The following EXD1 variants were observed in gnomAD, a reference collection of about 807,000 sequenced individuals.
EXD1 encodes piRNA biogenesis protein EXD1.
EXD1 carries 63 observed loss-of-function variants against 49.1 expected under a neutral mutation model. The observed-to-expected ratio is 1.28, with a 90% CI of 1.05 to 1.58. The LOEUF is 1.58. Among genes scored for constraint, EXD1 ranks in the 40% most tolerant of loss-of-function variants. EXD1 has a pLI of 0.00. For synonymous variants in EXD1, 234 were observed against 239.2 expected (o/e 0.98, Z 0.20); for missense variants, 748 against 666.0 (o/e 1.12, Z -1.36).
chr15:41,209,540 T>G lies in EXD1; in HGVS notation c.495A>C (p.Gly165=), dbSNP rs1199754429. Reference sequence around the variant, plus strand: ...GTTTGCCATGGCGACATACATTCGCTCCTTCTGCTGCCACACTCAGGACAT... The same window carrying G: ...GTTTGCCATGGCGACATACATTCGCGCCTTCTGCTGCCACACTCAGGACAT... ...KQNVLSVAAE[G]ANVCRHGKLC... The change falls in exon 7 of 12, where the codon GGA becomes GGC. Residue 165 remains glycine (G), a synonymous_variant. Transcript: ENST00000458580. The G allele has an allele frequency of 6.2e-7, 1 of 1,614,206 alleles. No individual in the cohort carries two copies. The highest frequency in any genetic ancestry group is 1.1e-5 in the South Asian group (1 of 91,084).
At chr15:41,215,270 C>A (rs78884192) in intron 6 of EXD1, among the ~76,000 whole-genome samples, 24,422 of 151,928 alleles carry the variant, frequency 0.16, 3,587 homozygotes, top group African/African-American at 0.39. Context: ...TCCTTGAGGG[C>A]GGGAACTTTG....
intron 7 of EXD1, among the ~76,000 whole-genome samples, chr15:41,201,615 G>A (rs1430196143): frequency 2.0e-5 from 3 of 150,416 alleles, no homozygotes; most frequent in Non-Finnish European, 4.4e-5. Context: ...TCAGCCTCCC[G>A]AGTAGCTGGG....
At chr15:41,220,250 A>G (rs1422131552) in intron 2 of EXD1, among the ~76,000 whole-genome samples, 1 of 152,094 alleles carries the variant, frequency 6.6e-6, no homozygotes, top group East Asian at 1.9e-4. Flanking sequence ...AACTCCAGAA[A>G]AAAAATTTAA....
At chr15:41,218,362 C>T (rs2047033539) in intron 3 of EXD1, among the ~76,000 whole-genome samples, 1 of 151,772 alleles carries the variant, frequency 6.6e-6, no homozygotes, top group African/African-American at 2.4e-5. Context: ...TGGCACACAC[C>T]TGTAATCCCA....
intron 7 of EXD1, among the ~76,000 whole-genome samples, chr15:41,198,891 G>A (rs777123340): frequency 6.6e-6 from 1 of 151,418 alleles, no homozygotes; most frequent in Admixed American, 6.6e-5. Flanking sequence ...ATTTTTAGTA[G>A]GGACTAGGTT....
Position 41,230,659 on chromosome 15 carries a change from T to A in EXD1, c.-234A>T. 8.5e-7 allele frequency: 1 copy of A among 1,174,778 alleles called. No homozygotes were observed. The highest frequency in any genetic ancestry group is 1.2e-6 in the Non-Finnish European group (1 of 824,968). The allele number at this position is 1,174,778 out of a possible 1,614,324, so 72.8% of individuals were successfully genotyped here. ...GACGCTCCACGCCACCCGGCGGCGG[T>A]TATCAAATCACAGGCTGAAAACCTG... On this transcript the variant is annotated 5_prime_UTR_variant, in exon 1 of 12. Coordinates refer to ENST00000458580, the MANE Select transcript of EXD1 (RefSeq NM_001286441.2).
At chr15:41,228,475 C>T (rs1281036579) in intron 1 of EXD1, among the ~76,000 whole-genome samples, 1 of 152,138 alleles carries the variant, frequency 6.6e-6, no homozygotes, top group Non-Finnish European at 1.5e-5. Context: ...CAAAGTCACA[C>T]AGCTAGAAGG....
chr15:41,206,929 CTTTTTTT>C (rs532980257), intron 7 of EXD1, among the ~76,000 whole-genome samples: 1 of 54,366 alleles, frequency 1.8e-5, no homozygotes, highest in African/African-American at 6.3e-5. Flanking sequence ...CTATTCAACT[CTTTTTTT>C]TTTTTTTTTT....
At chr15:41,229,422 C>T (rs949266599) in intron 1 of EXD1, among the ~76,000 whole-genome samples, 3 of 151,608 alleles carry the variant, frequency 2.0e-5, no homozygotes, top group Admixed American at 6.6e-5. Context: ...TTGCAGTGAG[C>T]CGAAAATGCA....
chr15:41,217,812 G>A (rs1290007174), intron 3 of EXD1, among the ~76,000 whole-genome samples: 1 of 152,146 alleles, frequency 6.6e-6, no homozygotes, highest in Admixed American at 6.5e-5. Flanking sequence ...GGGATTACAG[G>A]CGTGAGCCAC....
At position 41,195,770 on chromosome 15, in the gene EXD1, T is replaced by A; in HGVS notation, c.720+5A>T. ...GGTTTGAATCCAGTGCTTCCCTTCA[T>A]GTACCTGTGTGTCAAAGACATTATT... is the stretch of plus-strand genomic sequence containing the variant. On this transcript the variant is annotated splice_donor_5th_base_variant and intron_variant, in intron 9 of 11. Coordinates refer to ENST00000458580, the MANE Select transcript of EXD1 (RefSeq NM_001286441.2). The A allele has an allele frequency of 6.2e-7, 1 of 1,610,634 alleles. No individual in the cohort carries two copies. The highest frequency in any genetic ancestry group is 8.5e-7 in the Non-Finnish European group (1 of 1,178,694).
In EXD1 at chr15:41,184,130, T is replaced by C. The variant is rs147079267; in HGVS notation, c.1520A>G (p.Gln507Arg). The C allele has an allele frequency of 1.2e-6, 2 of 1,614,192 alleles. No individual in the cohort carries two copies. Among genetic ancestry groups the C allele is most frequent in the East Asian group, 4.5e-5 (2 of 44,886 alleles). ...TTCCTTGTTTTCCACCATCAATAAC[T>C]GTTCTGTCTCCTCTTTCAAAGATAA... is the stretch of plus-strand genomic sequence containing the variant. ...ASLSLKEETE[Q>R]LLMVENKEDL... The change falls in exon 12 of 12, where the codon CAG (glutamine) becomes CGG (arginine). Residue 507 changes from glutamine (Q) to arginine (R), a missense_variant. Physicochemically the swap from Gln to Arg is conservative, Grantham distance 43 (BLOSUM62 1). Coordinates refer to ENST00000458580, the MANE Select transcript of EXD1 (RefSeq NM_001286441.2).
At chr15:41,200,445 C>A (rs1311507559) in intron 7 of EXD1, among the ~76,000 whole-genome samples, 1 of 152,134 alleles carries the variant, frequency 6.6e-6, no homozygotes, top group Non-Finnish European at 1.5e-5. Flanking sequence ...ACTGCTTGAG[C>A]CTGGAAGGCA....
chr15:41,211,474 A>C (rs2046920373), intron 6 of EXD1, among the ~76,000 whole-genome samples: 1 of 151,970 alleles, frequency 6.6e-6, no homozygotes, highest in Admixed American at 6.6e-5. Context: ...ATCTGTTGAT[A>C]CATAAATAAT....
chr15:41,216,317 A>G (rs536263346), intron 5 of EXD1, among the ~76,000 whole-genome samples: 31 of 151,560 alleles, frequency 2.0e-4, no homozygotes, highest in Admixed American at 9.2e-4. Context: ...AAAAAAAAAA[A>G]AGAGAGAGAG....
rs771619435 is a variant in EXD1 at position 41,195,754 on chromosome 15, C to G, written c.720+21G>C. The G allele has an allele frequency of 1.0e-5, 16 of 1,601,844 alleles. 1 individual carries two copies. The South Asian group carries it at 1.6e-4, about 16-fold the overall frequency. ...AGGAGCTGTATATACTGGTTTGAAT[C>G]CAGTGCTTCCCTTCATGTACCTGTG... is the stretch of plus-strand genomic sequence containing the variant. On this transcript the variant is annotated intron_variant, in intron 9 of 11. Transcript: ENST00000458580.
At position 41,219,858 on chromosome 15, in the gene EXD1, C is replaced by T; in HGVS notation, c.174G>A (p.Lys58=). The change falls in exon 3 of 12, where the codon AAG becomes AAA. Residue 58 remains lysine (K), a synonymous_variant. Transcript: ENST00000458580. ...TCACAATCTCATGCCCAAAAAACAA[C>T]TTCACTCCTGGGACACTTCGACCTG... is the stretch of plus-strand genomic sequence containing the variant. ...VETGRSVPGV[K]LFFGHEIVNV... is the part of the protein sequence containing the mutation. 2 of 1,535,842 alleles carry T rather than the reference C, an allele frequency of 1.3e-6. No homozygotes were observed. Among genetic ancestry groups the T allele is most frequent in the Non-Finnish European group, 1.7e-6 (2 of 1,146,816 alleles).
chr15:41,195,734 C>T, intron 9 of EXD1, 41 bp downstream of exon 9: 2 of 1,510,436 alleles, frequency 1.3e-6, no homozygotes, highest in South Asian at 1.3e-5. Flanking sequence ...TCTACAGGAG[C>T]TGTATATACT....
chr15:41,207,854 G>A (rs1050464133), intron 7 of EXD1, among the ~76,000 whole-genome samples: 50 of 151,340 alleles, frequency 3.3e-4, no homozygotes, highest in Middle Eastern at 3.4e-3. Flanking sequence ...CTACTAAAAA[G>A]ACAAAAATTA....
Sources: gnomAD v4.1 joint callset for allele counts (sites outside exome capture counted in the v4.1 genomes callset) on GRCh38, gnomAD v4.1.1 for gene constraint, MANE v1.5 for transcripts, NCBI Gene and HGNC (gene_info 2026-07-23, HGNC 2026-07-21) for gene names.